The following ATP8A2 variants were observed in gnomAD, a reference collection of about 807,000 sequenced individuals.
The protein encoded by ATP8A2 is phospholipid-transporting ATPase IB.
ATP8A2 carries 100 observed loss-of-function variants against 165.6 expected under a neutral mutation model. The observed-to-expected ratio is 0.60, with a 90% CI of 0.51 to 0.71. ATP8A2 has a LOEUF of 0.71. Among genes scored for constraint, ATP8A2 ranks in the 30% least tolerant of loss-of-function variants. ATP8A2 has a pLI of 0.00. For missense variants in ATP8A2, 1,227 were observed against 1,479.5 expected, an observed-to-expected ratio of 0.83 and a Z score of 2.80; for synonymous variants, 543 against 548.8, an observed-to-expected ratio of 0.99 and a Z score of 0.15.
intron 16 of ATP8A2, 67 bp downstream of exon 16, chr13:25,564,098 T>A (rs189770752): frequency 8.7e-7 from 1 of 1,150,976 alleles, no homozygotes; most frequent in Admixed American, 1.7e-5. Context: ...TATATATGCA[T>A]GTAGTATTTT....
intron 1 of ATP8A2, among the ~76,000 whole-genome samples, chr13:25,424,403 G>A (rs553014144): frequency 3.3e-5 from 5 of 152,232 alleles, no homozygotes; most frequent in East Asian, 1.9e-4. Context: ...GTGGGTTGGC[G>A]TTCCAGCCAC....
At chr13:25,947,689 C>T (rs1376573738) in intron 33 of ATP8A2, among the ~76,000 whole-genome samples, 1 of 152,200 alleles carries the variant, frequency 6.6e-6, no homozygotes, top group Non-Finnish European at 1.5e-5. Context: ...AGCTGAGGCT[C>T]TGGAGCACAA....
chr13:25,425,189 C>G (rs1388462452), intron 1 of ATP8A2, among the ~76,000 whole-genome samples: 1 of 152,070 alleles, frequency 6.6e-6, no homozygotes, highest in African/African-American at 2.4e-5. Flanking sequence ...ACATAGGCTA[C>G]CCTCTTTTCT....
At chr13:25,804,724 C>T (rs1490653856) in intron 27 of ATP8A2, among the ~76,000 whole-genome samples, 2 of 152,104 alleles carry the variant, frequency 1.3e-5, no homozygotes, top group Non-Finnish European at 2.9e-5. Context: ...CTCTGAACCC[C>T]GTGCATTCTG....
chr13:25,706,435 T>C (rs551813950), intron 25 of ATP8A2, among the ~76,000 whole-genome samples: 1 of 152,312 alleles, frequency 6.6e-6, no homozygotes, highest in Non-Finnish European at 1.5e-5. Context: ...CTGGCTCTTC[T>C]GATTTGGTTC....
rs34947450 is a variant in ATP8A2 at position 25,992,677 on chromosome 13, G to GTTT, written c.3378-19846_3378-19844dup. 9.0e-4 allele frequency among the ~76,000 whole-genome samples: 133 copies of GTTT among 147,158 alleles called. 1 individual carries two copies. In the Middle Eastern group the frequency reaches 0.011, roughly 12 times the overall value. The stretch of plus-strand genomic sequence containing the variant: ...CTATTTTTTTCCTAAAAGTTGTATA[G>GTTT]TTTTTTTTTTGTTTGTTTTTTTAAT... On this transcript the variant is annotated intron_variant, in intron 35 of 36. Transcript: ENST00000381655.
rs562825901 is a variant in ATP8A2, at chr13:25,983,424, A to G, written c.3377+14745A>G. 5.3e-5 allele frequency among the ~76,000 whole-genome samples: 8 copies of G among 152,376 alleles called. No homozygotes were observed. In the South Asian group the frequency reaches 1.7e-3, roughly 32 times the overall value. On this transcript the variant is annotated intron_variant, in intron 35 of 36. Coordinates refer to ENST00000381655, the MANE Select transcript of ATP8A2 (RefSeq NM_016529.6). ...CACCTGGTTTTGTCTTCTACAAACC[A>G]TTAACCATTGACATTCTAATCCTTA...
chr13:25,754,817 G>A (rs1566106521), intron 25 of ATP8A2, among the ~76,000 whole-genome samples: 1 of 152,124 alleles, frequency 6.6e-6, no homozygotes, highest in African/African-American at 2.4e-5. Context: ...AAGAAAAATG[G>A]TCTTCTGTTG....
At chr13:25,514,988 T>A (rs1439542698) in intron 2 of ATP8A2, among the ~76,000 whole-genome samples, 1 of 152,186 alleles carries the variant, frequency 6.6e-6, no homozygotes, top group Non-Finnish European at 1.5e-5. Flanking sequence ...GCGAGGGGAT[T>A]TCTGGATGAG....
chr13:25,768,935 T>G lies in ATP8A2; in HGVS notation c.2385-111T>G, dbSNP rs2044554372. 8.7e-6 allele frequency: 9 copies of G among 1,035,966 alleles called. No homozygotes were observed. The East Asian group carries it at 1.9e-4, about 22-fold the overall frequency. 64.2% of individuals were successfully genotyped at this position (1,035,966 alleles called of 1,614,324 possible). A position where few individuals can be genotyped will look rare whatever the true frequency, so the allele number is the denominator to read the frequency against. On this transcript the variant is annotated intron_variant, in intron 25 of 36. Coordinates refer to ENST00000381655, the MANE Select transcript of ATP8A2 (RefSeq NM_016529.6). ...GCACATGAGCATAAAATGGATGTAT[T>G]GAATTTGGAGATCGTCCAGTAACTG...
At chr13:25,774,600 C>T (rs2044699028) in intron 26 of ATP8A2, among the ~76,000 whole-genome samples, 1 of 152,152 alleles carries the variant, frequency 6.6e-6, no homozygotes, top group Non-Finnish European at 1.5e-5. Context: ...AATAGAATTT[C>T]ATAAGAATAA....
chr13:25,832,082 G>T (rs1951492650), intron 28 of ATP8A2, among the ~76,000 whole-genome samples: 1 of 151,884 alleles, frequency 6.6e-6, no homozygotes, highest in Non-Finnish European at 1.5e-5. Context: ...CAGGATTACA[G>T]GTGCGCACCA....
intron 1 of ATP8A2, among the ~76,000 whole-genome samples, chr13:25,424,411 C>T (rs2034384289): frequency 6.6e-6 from 1 of 152,118 alleles, no homozygotes; most frequent in African/African-American, 2.4e-5. Context: ...GCGTTCCAGC[C>T]ACCTTCCAAT....
chr13:25,533,409 C>A, intron 6 of ATP8A2, 96 bp downstream of exon 6: 1 of 703,374 alleles, frequency 1.4e-6, no homozygotes, highest in Non-Finnish European at 2.4e-6. Context: ...CTGTTAGACA[C>A]AGTAGAGTTT....
At position 25,717,121 on chromosome 13, in the gene ATP8A2, GC is replaced by G. The variant is rs533871561; in HGVS notation, c.2384+17778del. 1.6e-3 allele frequency among the ~76,000 whole-genome samples: 240 copies of G among 152,268 alleles called. 1 individual carries two copies. The highest frequency in any genetic ancestry group is 2.8e-3 in the Non-Finnish European group (193 of 68,022). On this transcript the variant is annotated intron_variant, in intron 25 of 36. Transcript: ENST00000381655. ...TGCATATCCACCTGCTGGCAGCATT[GC>G]CAGAGTGACTGTCTGAAAGAATGGC...
intron 24 of ATP8A2, among the ~76,000 whole-genome samples, chr13:25,600,936 G>A (rs1337202053): frequency 1.3e-5 from 2 of 152,188 alleles, no homozygotes; most frequent in Admixed American, 6.5e-5. Context: ...CTACAAGATC[G>A]CACGGATGTG....
chr13:25,898,450 C>A (rs1015407019), intron 33 of ATP8A2, among the ~76,000 whole-genome samples: 2 of 152,184 alleles, frequency 1.3e-5, no homozygotes, highest in African/African-American at 4.8e-5. Flanking sequence ...GGGGGTGCCT[C>A]CAAGTTAGGC....
intron 36 of ATP8A2, among the ~76,000 whole-genome samples, chr13:26,017,699 C>T (rs529061827): frequency 1.3e-5 from 2 of 152,334 alleles, no homozygotes; most frequent in East Asian, 1.9e-4. Context: ...AACTCTAAAG[C>T]CCTGAGAATC....
At chr13:25,647,726 C>T (rs2041710122) in intron 24 of ATP8A2, among the ~76,000 whole-genome samples, 1 of 151,342 alleles carries the variant, frequency 6.6e-6, no homozygotes, top group African/African-American at 2.4e-5. Flanking sequence ...ACTCTTGTTG[C>T]CCAGGCTGGA....
Sources: gnomAD v4.1 joint callset for allele counts (sites outside exome capture counted in the v4.1 genomes callset) on GRCh38, gnomAD v4.1.1 for gene constraint, MANE v1.5 for transcripts, NCBI Gene and HGNC (gene_info 2026-07-23, HGNC 2026-07-21) for gene names.